The following AGBL4 variants were observed in gnomAD, a reference collection of about 807,000 sequenced individuals.
AGBL4 encodes the protein cytosolic carboxypeptidase 6.
In AGBL4, 58 loss-of-function variants were observed where a neutral mutation model predicts 66.4. The ratio of observed to expected loss-of-function variants is 0.87; its 90% CI spans 0.71 to 1.09. The LOEUF (loss-of-function observed/expected upper bound fraction) is 1.09. AGBL4 is among the 50% of genes least tolerant of loss of function. The pLI is 0.00. For missense variants in AGBL4, 579 were observed against 631.0 expected (o/e 0.92, Z 0.88); for synonymous variants, 234 against 222.9 (o/e 1.05, Z -0.44).
chr1:48,940,314 G>T (rs1359967257), intron 5 of AGBL4, among the ~76,000 whole-genome samples: 1 of 152,108 alleles, frequency 6.6e-6, no homozygotes, highest in Non-Finnish European at 1.5e-5. Context: ...GGAGGCGGAG[G>T]TTGCAGTGAG....
At chr1:49,605,643 T>G (rs538507503) in intron 3 of AGBL4, among the ~76,000 whole-genome samples, 1 of 152,186 alleles carries the variant, frequency 6.6e-6, no homozygotes, top group African/African-American at 2.4e-5. Context: ...CTTGTTGCCA[T>G]GGCAATGCCA....
rs953875117 is a variant in AGBL4, at chr1:49,927,472, C to T, written c.35-75954G>A. Among the ~76,000 whole-genome samples, 15 of 152,122 alleles carry T rather than the reference C, an allele frequency of 9.9e-5. 1 individual carries two copies. The highest frequency in any genetic ancestry group is 4.2e-4 in the South Asian group (2 of 4,818). Reference sequence around the variant, plus strand: ...GAGTACAAGCAGGGGAAATGCCAGACGCTTATAAAACCATCAGATCTTATG... The same window carrying T: ...GAGTACAAGCAGGGGAAATGCCAGATGCTTATAAAACCATCAGATCTTATG... On this transcript the variant is annotated intron_variant, in intron 1 of 13. Transcript: ENST00000371839.
intron 2 of AGBL4, among the ~76,000 whole-genome samples, chr1:49,733,133 TAGTC>T (rs1649585204): frequency 6.6e-6 from 1 of 152,160 alleles, no homozygotes; most frequent in African/African-American, 2.4e-5. Flanking sequence ...TAGGATGACA[TAGTC>T]AGAATGCTGA....
intron 3 of AGBL4, among the ~76,000 whole-genome samples, chr1:49,394,610 A>G (rs1462764290): frequency 1.3e-5 from 2 of 152,104 alleles, no homozygotes; most frequent in Non-Finnish European, 2.9e-5. Context: ...AGAAAGAAAA[A>G]CGTAAACCCT....
chr1:49,073,960 A>T (rs557417747), intron 4 of AGBL4, among the ~76,000 whole-genome samples: 1 of 152,264 alleles, frequency 6.6e-6, no homozygotes, highest in East Asian at 1.9e-4. Context: ...CACGAGGTGG[A>T]ATCTAGAGAG....
intron 2 of AGBL4, among the ~76,000 whole-genome samples, chr1:49,718,489 T>G (rs1368022181): frequency 1.3e-5 from 2 of 152,062 alleles, no homozygotes; most frequent in Non-Finnish European, 2.9e-5. Context: ...AAGAACAGAC[T>G]AATACAACAA....
intron 6 of AGBL4, among the ~76,000 whole-genome samples, chr1:48,679,210 A>G (rs1646415395): frequency 6.6e-6 from 1 of 152,158 alleles, no homozygotes; most frequent in African/African-American, 2.4e-5. Context: ...AATGTAAGAG[A>G]ATCAGAAGGC....
chr1:49,278,335 A>G (rs1644210980), intron 3 of AGBL4, among the ~76,000 whole-genome samples: 1 of 152,246 alleles, frequency 6.6e-6, no homozygotes, highest in Admixed American at 6.5e-5. Flanking sequence ...GGACAGACGA[A>G]TATTTTTTTA....
chr1:49,257,086 G>C (rs181361124), intron 3 of AGBL4, among the ~76,000 whole-genome samples: 9 of 147,528 alleles, frequency 6.1e-5, no homozygotes, highest in Admixed American at 2.0e-4. Flanking sequence ...TGAAGGAAAA[G>C]ATAGACATAT....
intron 3 of AGBL4, among the ~76,000 whole-genome samples, chr1:49,631,724 G>A (rs1473520464): frequency 2.0e-5 from 3 of 152,162 alleles, no homozygotes; most frequent in Non-Finnish European, 4.4e-5. Flanking sequence ...ATGACCTTCA[G>A]ACCACAAAGC....
intron 5 of AGBL4, among the ~76,000 whole-genome samples, chr1:48,887,822 A>C (rs551290397): frequency 4.6e-5 from 7 of 152,288 alleles, no homozygotes; most frequent in African/African-American, 1.7e-4. Context: ...TGTTGAAATC[A>C]CCAGTATCTG....
chr1:49,166,499 A>C (rs1489626741), intron 4 of AGBL4, among the ~76,000 whole-genome samples: 6 of 152,126 alleles, frequency 3.9e-5, no homozygotes, highest in Non-Finnish European at 5.9e-5. Context: ...AGTCTCCCGG[A>C]ACTCTAGTAT....
At chr1:49,353,587 T>A (rs1643954799) in intron 3 of AGBL4, among the ~76,000 whole-genome samples, 1 of 151,996 alleles carries the variant, frequency 6.6e-6, no homozygotes, top group Non-Finnish European at 1.5e-5. Flanking sequence ...AGAGGGCAGT[T>A]CCCTGGTAAA....
intron 3 of AGBL4, among the ~76,000 whole-genome samples, chr1:49,417,670 T>C (rs1425801060): frequency 1.3e-5 from 2 of 152,120 alleles, no homozygotes; most frequent in African/African-American, 4.8e-5. Context: ...TGAAACCTCA[T>C]AATGTGTCCC....
At chr1:49,562,582 T>C (rs937281358) in intron 3 of AGBL4, among the ~76,000 whole-genome samples, 2 of 152,188 alleles carry the variant, frequency 1.3e-5, no homozygotes, top group Non-Finnish European at 2.9e-5. Flanking sequence ...TCCCCCTTGC[T>C]TGTTTTTGTC....
chr1:49,944,371 AC>A (rs1178871011), intron 1 of AGBL4, among the ~76,000 whole-genome samples: 5 of 152,154 alleles, frequency 3.3e-5, no homozygotes, highest in Non-Finnish European at 7.3e-5. Flanking sequence ...GTTTCATAAC[AC>A]AGGACTCTGT....
chr1:48,557,700 G>A (rs895232977), intron 11 of AGBL4, among the ~76,000 whole-genome samples: 3 of 152,200 alleles, frequency 2.0e-5, no homozygotes, highest in Non-Finnish European at 4.4e-5. Flanking sequence ...ATAGGGTGAA[G>A]CCAATTGAGT....
At chr1:49,291,279 T>C (rs948398973) in intron 3 of AGBL4, among the ~76,000 whole-genome samples, 1 of 152,196 alleles carries the variant, frequency 6.6e-6, no homozygotes, top group Admixed American at 6.5e-5. Context: ...ATATAAAGTG[T>C]TTCTGAGAAT....
intron 3 of AGBL4, among the ~76,000 whole-genome samples, chr1:49,463,077 C>T (rs774888122): frequency 4.6e-5 from 7 of 151,716 alleles, no homozygotes; most frequent in African/African-American, 7.3e-5. Context: ...TTTGAACTTC[C>T]ATGGGCCAGG....
Sources: gnomAD v4.1 joint callset for allele counts (sites outside exome capture counted in the v4.1 genomes callset) on GRCh38, gnomAD v4.1.1 for gene constraint, MANE v1.5 for transcripts, NCBI Gene and HGNC (gene_info 2026-07-23, HGNC 2026-07-21) for gene names.